Variants in TVP23A observed in about 807,000 individuals in gnomAD.
TVP23A encodes the protein Golgi apparatus membrane protein TVP23 homolog A.
In TVP23A, 21 loss-of-function variants were observed where a neutral mutation model predicts 31.7. The ratio of observed to expected loss-of-function variants is 0.66; its 90% CI spans 0.47 to 0.95. The LOEUF (loss-of-function observed/expected upper bound fraction) is 0.95, where lower values mean the gene tolerates loss of function less well. Among genes scored for constraint, TVP23A ranks in the 40% least tolerant of loss-of-function variants. The pLI is 0.00. For synonymous variants in TVP23A, 104 were observed against 96.0 expected (o/e 1.08, Z -0.49); for missense variants, 279 against 255.6 (o/e 1.09, Z -0.62).
intron 2 of TVP23A, among the ~76,000 whole-genome samples, chr16:10,815,699 G>A (rs1323334114): frequency 2.6e-5 from 4 of 152,170 alleles, no homozygotes; most frequent in African/African-American, 9.7e-5. Context: ...CCCTAGATTG[G>A]GCAATCTGTA....
At position 10,770,307 on chromosome 16, in the gene TVP23A, G is replaced by A. The variant is rs569991781; in HGVS notation, c.607C>T (p.Pro203Ser). ...QTACPGDFQK[P>S]GLEGLEIHQH ...TGAATCTCCAGCCCCTCGAGGCCAG[G>A]CTTCTGAAAGTCACCTGGGCAGGCC... Residue 203 changes from proline to serine, a missense_variant, in exon 7 of 8, where the codon CCT becomes TCT. Transcript: ENST00000299866. 1 of 1,551,182 alleles carries A rather than the reference G, an allele frequency of 6.4e-7. No homozygotes were observed. The highest frequency in any genetic ancestry group is 8.7e-7 in the Non-Finnish European group (1 of 1,146,980).
rs550819097 is a variant in TVP23A at position 10,783,532 on chromosome 16, C to T, written c.90-8436G>A. Among the ~76,000 whole-genome samples the T allele has an allele frequency of 2.0e-5, 3 of 152,134 alleles. No individual in the cohort carries two copies. The East Asian group carries it at 5.8e-4, about 29-fold the overall frequency. On this transcript the variant is annotated intron_variant, in intron 2 of 7. Coordinates refer to ENST00000299866, the MANE Select transcript of TVP23A (RefSeq NM_001079512.4). ...CTCTACTAAAAATACAAAATTTAGC[C>T]GGGCGTGGTGGCGCGTACCTGTAGT...
At position 10,775,231 on chromosome 16, in the gene TVP23A, G is replaced by A. The variant is rs934225094; in HGVS notation, c.90-135C>T. On this transcript the variant is annotated intron_variant, in intron 2 of 7. Coordinates refer to ENST00000299866, the MANE Select transcript of TVP23A (RefSeq NM_001079512.4). The stretch of plus-strand genomic sequence containing the variant: ...TGTTCTCCCCGGTGCATATGACGCA[G>A]AAACTCAGGCTGTAGCCCTGGGGAC... 4.1e-6 allele frequency: 6 copies of A among 1,459,888 alleles called. No individual in the cohort carries two copies. In the African/African-American group the frequency reaches 7.1e-5, roughly 17 times the overall value. The allele number at this position is 1,459,888 out of a possible 1,614,324, so 90.4% of individuals were successfully genotyped here.
chr16:10,784,667 T>G (rs2032636788), intron 2 of TVP23A, among the ~76,000 whole-genome samples: 1 of 152,180 alleles, frequency 6.6e-6, no homozygotes, highest in Admixed American at 6.5e-5. Flanking sequence ...TTAATAATAA[T>G]GTATTGGTTC....
rs564626905 is a variant in TVP23A, at chr16:10,773,202, T to C, written c.453+111A>G. The C allele has an allele frequency of 3.6e-4, 493 of 1,362,496 alleles. 1 individual carries two copies. Among genetic ancestry groups the C allele is most frequent in the Non-Finnish European group, 4.7e-4 (476 of 1,012,870 alleles). The allele number at this position is 1,362,496 out of a possible 1,614,324, so 84.4% of individuals were successfully genotyped here. On this transcript the variant is annotated intron_variant, in intron 5 of 7. Transcript: ENST00000299866. ...GAATGTGTATTATATCTCAATAAAC[T>C]TGTTATAATTGATCAATCAATCAAT...
chr16:10,813,249 C>G (rs1290336871), intron 2 of TVP23A, among the ~76,000 whole-genome samples: 1 of 152,210 alleles, frequency 6.6e-6, no homozygotes, highest in Non-Finnish European at 1.5e-5. Context: ...AATGGAGGCC[C>G]AGCAAAGTAA....
At chr16:10,798,175 G>A (rs903151941) in intron 2 of TVP23A, among the ~76,000 whole-genome samples, 2 of 151,600 alleles carry the variant, frequency 1.3e-5, no homozygotes, top group Non-Finnish European at 2.9e-5. Context: ...TAGCCAGGAT[G>A]GTCTCGATCT....
chr16:10,769,186 C>T (rs1185245857), intron 7 of TVP23A, 85 bp from the exon 8 acceptor site: 19 of 1,332,160 alleles, frequency 1.4e-5, no homozygotes, highest in Admixed American at 1.7e-5. Flanking sequence ...CGACCAGCTC[C>T]GGGATGGGGT....
At chr16:10,763,297 G>A (rs942556691), downstream of TVP23A, among the ~76,000 whole-genome samples, 1 of 152,056 alleles carries the variant, frequency 6.6e-6, no homozygotes, top group Non-Finnish European at 1.5e-5. Flanking sequence ...GGGCCGTGCA[G>A]AAAGCGGGAG....
At chr16:10,816,124 G>C (rs759414739) in intron 2 of TVP23A, among the ~76,000 whole-genome samples, 1 of 151,898 alleles carries the variant, frequency 6.6e-6, no homozygotes, top group Admixed American at 6.6e-5. Flanking sequence ...CTACTAGGGA[G>C]GCTGAGGCAG....
At chr16:10,801,014 AC>A (rs1193925230) in intron 2 of TVP23A, among the ~76,000 whole-genome samples, 2 of 152,178 alleles carry the variant, frequency 1.3e-5, no homozygotes, top group Non-Finnish European at 2.9e-5. Context: ...TGTTAAAAAA[AC>A]AGTATTCCTG....
intron 2 of TVP23A, among the ~76,000 whole-genome samples, chr16:10,814,481 C>A (rs2034344157): frequency 6.6e-6 from 1 of 152,152 alleles, no homozygotes; most frequent in Non-Finnish European, 1.5e-5. Context: ...CACATCTTGA[C>A]CACCAGCAAG....
chr16:10,814,922 T>C (rs375892330), intron 2 of TVP23A, among the ~76,000 whole-genome samples: 48 of 152,136 alleles, frequency 3.2e-4, no homozygotes, highest in African/African-American at 1.0e-3. Context: ...AGCACCTGGG[T>C]CTTGAGCCAC....
Position 10,768,264 on chromosome 16 carries a change from A to C in TVP23A, c.*838T>G, listed in dbSNP as rs1055393995. ...GTGAAATTTATGGCTTAGGAAATAC[A>C]TCCCAATAAAGGGATAAAGTAATTC... On this transcript the variant is annotated 3_prime_UTR_variant, in exon 8 of 8. Transcript: ENST00000299866. The surrounding 1 kb of genome is among the most constrained non-coding windows in gnomAD (Gnocchi z 4.3). 1.5e-5 allele frequency: 6 copies of C among 390,846 alleles called. No homozygotes were observed. Among genetic ancestry groups the C allele is most frequent in the African/African-American group, 1.2e-4 (6 of 48,254 alleles). The allele number at this position is 390,846 out of a possible 1,614,324, so 24.2% of individuals were successfully genotyped here. A position where few individuals can be genotyped will look rare whatever the true frequency, so the allele number is the denominator to read the frequency against.
intron 5 of TVP23A, among the ~76,000 whole-genome samples, chr16:10,772,473 G>T (rs994275667): frequency 2.6e-5 from 4 of 151,708 alleles, no homozygotes; most frequent in African/African-American, 9.7e-5. Context: ...GGGTTCAAGC[G>T]ATTCTCCTGC....
At chr16:10,798,210 T>C (rs575407632) in intron 2 of TVP23A, among the ~76,000 whole-genome samples, 14 of 152,158 alleles carry the variant, frequency 9.2e-5, no homozygotes, top group Admixed American at 3.9e-4. Flanking sequence ...CTGCCCGCCT[T>C]GGCCTCCCAT....
intron 2 of TVP23A, among the ~76,000 whole-genome samples, chr16:10,784,139 G>C (rs542342200): frequency 6.6e-6 from 1 of 152,144 alleles, no homozygotes; most frequent in African/African-American, 2.4e-5. Flanking sequence ...TTCAAGACCA[G>C]CCTGGCCAAC....
At chr16:10,786,071 G>T (rs2032734483) in intron 2 of TVP23A, among the ~76,000 whole-genome samples, 1 of 152,200 alleles carries the variant, frequency 6.6e-6, no homozygotes, top group African/African-American at 2.4e-5. Context: ...TTTCTGATGA[G>T]TGTCTCCAAA....
chr16:10,800,005 G>GTTT (rs1422770965), intron 2 of TVP23A, among the ~76,000 whole-genome samples: 1 of 120,790 alleles, frequency 8.3e-6, no homozygotes, highest in Non-Finnish European at 1.7e-5. Flanking sequence ...CCTGAGTGGG[G>GTTT]TTCTTTTTTT....
Sources: gnomAD v4.1 joint callset for allele counts (sites outside exome capture counted in the v4.1 genomes callset) on GRCh38, gnomAD v4.1.1 for gene constraint, Gnocchi (gnomAD v3.1) non-coding constraint, MANE v1.5 for transcripts, NCBI Gene and HGNC (gene_info 2026-07-23, HGNC 2026-07-21) for gene names.